FAM227B: variants seen among roughly 807,000 people sequenced by gnomAD.
FAM227B encodes the protein protein FAM227B.
FAM227B carries 88 observed loss-of-function variants against 73.8 expected under a neutral mutation model. That is an observed-to-expected ratio of 1.19 (90% CI 1.00 to 1.42). FAM227B has a LOEUF of 1.42. FAM227B is among the 40% of genes most tolerant of loss of function. FAM227B has a pLI of 0.00. For synonymous variants in FAM227B, 210 were observed against 190.5 expected (o/e 1.10, Z -0.84); for missense variants, 632 against 590.9 (o/e 1.07, Z -0.72).
chr15:49,461,498 A>G (rs970962406), intron 11 of FAM227B, among the ~76,000 whole-genome samples: 3 of 152,236 alleles, frequency 2.0e-5, no homozygotes, highest in Admixed American at 6.5e-5. Flanking sequence ...GAGAAACTGC[A>G]TATTTCATGC....
chr15:49,615,014 G>A (rs2078198789), intron 2 of FAM227B, 107 bp downstream of exon 2: 2 of 961,088 alleles, frequency 2.1e-6, no homozygotes, highest in African/African-American at 3.2e-5. Flanking sequence ...CCAAACCCTT[G>A]GTGTTTCAGT....
intron 13 of FAM227B, among the ~76,000 whole-genome samples, chr15:49,348,045 C>T (rs540965385): frequency 7.7e-4 from 105 of 136,584 alleles, no homozygotes; most frequent in African/African-American, 2.5e-3. Flanking sequence ...AAAAAAAAGG[C>T]TAACATAAAA....
intron 10 of FAM227B, 74 bp from the exon 11 acceptor site, chr15:49,508,422 T>G: frequency 7.7e-7 from 1 of 1,300,698 alleles, no homozygotes; most frequent in South Asian, 1.5e-5. Flanking sequence ...TCAAAGCATT[T>G]TTATGATAAT....
At chr15:49,348,019 CAAAAAAAAAA>C (rs67614443) in intron 13 of FAM227B, among the ~76,000 whole-genome samples, 1 of 70,100 alleles carries the variant, frequency 1.4e-5, no homozygotes, top group Non-Finnish European at 2.7e-5. Context: ...AACTCTGTCT[CAAAAAAAAAA>C]AAAAAAAAAA....
chr15:49,345,967 A>G (rs947990495), intron 13 of FAM227B, among the ~76,000 whole-genome samples: 8 of 152,108 alleles, frequency 5.3e-5, no homozygotes, highest in Non-Finnish European at 1.2e-4. Flanking sequence ...TTATCTGCCA[A>G]AAGTATTGTC....
At chr15:49,463,727 CTTCT>C (rs1047503831) in intron 11 of FAM227B, among the ~76,000 whole-genome samples, 9 of 152,116 alleles carry the variant, frequency 5.9e-5, no homozygotes, top group Non-Finnish European at 1.2e-4. Context: ...CACACAGTTC[CTTCT>C]GTCTGATTTT....
At chr15:49,471,542 G>A (rs1597406922) in intron 11 of FAM227B, among the ~76,000 whole-genome samples, 1 of 148,598 alleles carries the variant, frequency 6.7e-6, no homozygotes, top group Non-Finnish European at 1.5e-5. Context: ...TATGGCAAAT[G>A]TAATGAATTT....
chr15:49,375,420 T>C (rs955411463), intron 11 of FAM227B, among the ~76,000 whole-genome samples: 1 of 152,162 alleles, frequency 6.6e-6, no homozygotes. Context: ...TTACTATGAA[T>C]TATATTTGTA....
intron 11 of FAM227B, among the ~76,000 whole-genome samples, chr15:49,470,623 C>T (rs2151963488): frequency 6.6e-6 from 1 of 152,300 alleles, no homozygotes; most frequent in South Asian, 2.1e-4. Context: ...TCTCTAACTT[C>T]TTTTGCTTTA....
chr15:49,607,300 T>C (rs35683135), intron 3 of FAM227B, among the ~76,000 whole-genome samples: 16,379 of 152,196 alleles, frequency 0.11, 1,242 homozygotes, highest in East Asian at 0.36. Flanking sequence ...CTCTTCCAAA[T>C]CCTGTAAATG....
chr15:49,390,633 T>G (rs2047154766), intron 11 of FAM227B, among the ~76,000 whole-genome samples: 1 of 152,066 alleles, frequency 6.6e-6, no homozygotes, highest in African/African-American at 2.4e-5. Context: ...GCTTTTATCC[T>G]CCCTCCTATC....
At chr15:49,547,243 A>G (rs1381249442) in intron 9 of FAM227B, among the ~76,000 whole-genome samples, 1 of 152,138 alleles carries the variant, frequency 6.6e-6, no homozygotes, top group African/African-American at 2.4e-5. Context: ...AGATTTTGTC[A>G]CCACCAGGCC....
intron 11 of FAM227B, among the ~76,000 whole-genome samples, chr15:49,474,124 T>C (rs1363344878): frequency 6.6e-6 from 1 of 152,178 alleles, no homozygotes; most frequent in East Asian, 1.9e-4. Context: ...GATGGTGAGA[T>C]TGTATTACTG....
At chr15:49,598,475 T>C (rs889761108) in intron 3 of FAM227B, among the ~76,000 whole-genome samples, 3 of 152,024 alleles carry the variant, frequency 2.0e-5, no homozygotes, top group African/African-American at 7.2e-5. Context: ...TAGGAGAACT[T>C]TCAATACCAT....
chr15:49,613,814 C>G (rs1423061197), intron 2 of FAM227B, among the ~76,000 whole-genome samples: 6 of 151,864 alleles, frequency 4.0e-5, no homozygotes, highest in Non-Finnish European at 8.8e-5. Flanking sequence ...AATGTTTAGA[C>G]AGAAGCAAAG....
intron 3 of FAM227B, among the ~76,000 whole-genome samples, chr15:49,593,763 T>A (rs1312278817): frequency 6.6e-6 from 1 of 152,240 alleles, no homozygotes. Flanking sequence ...CAAATGCCAT[T>A]ATTTGGTTCC....
rs537228271 is a variant in FAM227B at position 49,523,547 on chromosome 15, C to T, written c.875-15199G>A. 7.9e-5 allele frequency among the ~76,000 whole-genome samples: 12 copies of T among 152,180 alleles called. No individual in the cohort carries two copies. The East Asian group carries it at 1.4e-3, about 17-fold the overall frequency. ...CTCGTGTATGTCTTTATTAGCAGCA[C>T]AAAAGCAGACTAATTCAGTAAATTG... On this transcript the variant is annotated intron_variant, in intron 10 of 15. Coordinates refer to ENST00000299338, the MANE Select transcript of FAM227B (RefSeq NM_152647.3).
At chr15:49,607,722 GTAA>G (rs1490314342) in intron 3 of FAM227B, among the ~76,000 whole-genome samples, 7 of 152,066 alleles carry the variant, frequency 4.6e-5, no homozygotes, top group African/African-American at 1.7e-4. Context: ...CATCACCAAG[GTAA>G]TCAAGGGATA....
At chr15:49,372,895 A>C (rs2045937668) in intron 11 of FAM227B, among the ~76,000 whole-genome samples, 1 of 152,154 alleles carries the variant, frequency 6.6e-6, no homozygotes. Context: ...AGCTTGAAAT[A>C]CTAAAGGCAG....
Sources: allele counts gnomAD v4.1 joint callset (sites outside exome capture counted in the v4.1 genomes callset), GRCh38; gene constraint gnomAD v4.1.1; transcripts MANE v1.5; gene names NCBI Gene and HGNC (gene_info 2026-07-23, HGNC 2026-07-21).